DOP1A: variants seen among roughly 807,000 people sequenced by gnomAD.
DOP1A encodes the protein DOP1 leucine zipper like protein A.
In DOP1A, 90 loss-of-function variants were observed where a neutral mutation model predicts 267.6. The ratio of observed to expected loss-of-function variants is 0.34; its 90% confidence interval spans 0.28 to 0.40. The LOEUF (loss-of-function observed/expected upper bound fraction) is 0.40, where lower values mean the gene tolerates loss of function less well. Ranked by LOEUF, DOP1A falls within the 10% of genes least tolerant of loss-of-function variation. The pLI is 1.00. For missense variants in DOP1A, 2,437 were observed against 2,900.4 expected (o/e 0.84, Z 3.67); for synonymous variants, 932 against 999.1 (o/e 0.93, Z 1.27).
chr6:83,135,272 G>A (rs921529318), intron 19 of DOP1A, among the ~76,000 whole-genome samples: 14 of 151,828 alleles, frequency 9.2e-5, no homozygotes, highest in Non-Finnish European at 1.5e-4. Context: ...GAGTAATGCC[G>A]ACTTGCCGAA....
intron 1 of DOP1A, among the ~76,000 whole-genome samples, chr6:83,068,479 A>G (rs1158172765): frequency 6.6e-6 from 1 of 152,204 alleles, no homozygotes; most frequent in Non-Finnish European, 1.5e-5. Flanking sequence ...TTGTGTTTGA[A>G]CATTTTTACA....
intron 7 of DOP1A, among the ~76,000 whole-genome samples, chr6:83,115,464 T>G (rs986256684): frequency 6.6e-6 from 1 of 152,214 alleles, no homozygotes; most frequent in African/African-American, 2.4e-5. Flanking sequence ...GGCTCACGCC[T>G]GTAATCCCAG....
rs139574032 is a variant in DOP1A at position 83,146,235 on chromosome 6, C to A, written c.5676+577C>A. On this transcript the variant is annotated intron_variant, in intron 25 of 38. Transcript: ENST00000349129. ...ATTACGGACTTTTCTACTTTTTCTG[C>A]TCTTTGTTCAAGCAATACCAAGAGG... Among the ~76,000 whole-genome samples the A allele has an allele frequency of 9.2e-5, 14 of 152,288 alleles. No individual in the cohort carries two copies. In the East Asian group the frequency reaches 2.3e-3, roughly 25 times the overall value.
In DOP1A at chr6:83,167,936, C is replaced by T. The variant is rs750704974; in HGVS notation, c.7167C>T (p.Thr2389=). Residue 2389 remains threonine, a synonymous_variant, in exon 39 of 39, where the codon ACC becomes ACT. Transcript: ENST00000349129. The stretch of plus-strand genomic sequence containing the variant: ...GGCACTTGCTGCTCACCATCTGCAC[C>T]GTGCGCAGTATGGAGCAGCTCCTGC... ...EPGHLLLTIC[T]VRSMEQLLPF... 6.8e-6 allele frequency: 11 copies of T among 1,614,108 alleles called. No individual in the cohort carries two copies. The highest frequency in any genetic ancestry group is 3.3e-5 in the Admixed American group (2 of 60,024).
At chr6:83,082,708 T>A (rs1194379525) in intron 1 of DOP1A, among the ~76,000 whole-genome samples, 1 of 152,224 alleles carries the variant, frequency 6.6e-6, no homozygotes, top group African/African-American at 2.4e-5. Context: ...TAGCTACATT[T>A]AACCATTACA....
chr6:83,106,941 G>T (rs1773714563), intron 4 of DOP1A, among the ~76,000 whole-genome samples: 1 of 152,150 alleles, frequency 6.6e-6, no homozygotes, highest in Non-Finnish European at 1.5e-5. Flanking sequence ...ATAGGATAAG[G>T]TCTGAAGATA....
chr6:83,112,365 A>T (rs1774705448), intron 6 of DOP1A, among the ~76,000 whole-genome samples: 1 of 148,974 alleles, frequency 6.7e-6, no homozygotes, highest in Admixed American at 6.7e-5. Context: ...CAAAAATACA[A>T]ATATATATAT....
chr6:83,132,813 T>G (rs1480626760), intron 18 of DOP1A, among the ~76,000 whole-genome samples: 1 of 152,208 alleles, frequency 6.6e-6, no homozygotes, highest in Non-Finnish European at 1.5e-5. Flanking sequence ...TCCTAATGTA[T>G]ATGAAGTGTG....
chr6:83,119,533 TA>T (rs1299561819), intron 8 of DOP1A, among the ~76,000 whole-genome samples: 1 of 152,050 alleles, frequency 6.6e-6, no homozygotes, highest in Non-Finnish European at 1.5e-5. Context: ...GGCCAAAAAA[TA>T]AAAAGGATAA....
chr6:83,141,135 T>G (rs1482566544), intron 23 of DOP1A, among the ~76,000 whole-genome samples: 1 of 152,204 alleles, frequency 6.6e-6, no homozygotes, highest in Non-Finnish European at 1.5e-5. Flanking sequence ...TTTCATTACA[T>G]AGCCACTAAT....
intron 1 of DOP1A, among the ~76,000 whole-genome samples, chr6:83,072,176 T>C (rs1461260098): frequency 6.6e-6 from 1 of 152,184 alleles, no homozygotes; most frequent in Non-Finnish European, 1.5e-5. Context: ...TTTTGTAAAA[T>C]ACATTTTGTA....
At position 83,136,421 on chromosome 6, in the gene DOP1A, C is replaced by T. The variant is rs190435849; in HGVS notation, c.3130+543C>T. Among the ~76,000 whole-genome samples, 186 of 152,206 alleles carry T rather than the reference C, an allele frequency of 1.2e-3. 2 individuals are homozygous for T. Among genetic ancestry groups the T allele is most frequent in the Non-Finnish European group, 5.0e-4 (34 of 68,008 alleles). ...GCCTTCTATACAGTGATATTGTCCCCTTAGATTAATTTATTTCATTTAAGG... is the reference window on the plus strand; with the variant it reads ...GCCTTCTATACAGTGATATTGTCCCTTTAGATTAATTTATTTCATTTAAGG... On this transcript the variant is annotated intron_variant, in intron 20 of 38. Transcript: ENST00000349129.
chr6:83,094,860 A>G (rs1343939962), intron 1 of DOP1A, among the ~76,000 whole-genome samples: 3 of 152,122 alleles, frequency 2.0e-5, no homozygotes, highest in Non-Finnish European at 2.9e-5. Context: ...TTGCAACACG[A>G]AAGTTTTACT....
intron 18 of DOP1A, among the ~76,000 whole-genome samples, chr6:83,132,845 G>A (rs369217991): frequency 1.3e-5 from 2 of 152,082 alleles, no homozygotes; most frequent in African/African-American, 2.4e-5. Context: ...AGTTAAAGGT[G>A]GCTGAGAATT....
intron 1 of DOP1A, among the ~76,000 whole-genome samples, chr6:83,070,033 A>G (rs1785336581): frequency 6.6e-6 from 1 of 152,232 alleles, no homozygotes; most frequent in Non-Finnish European, 1.5e-5. Context: ...ATGTGTGCTG[A>G]ACACAATCTT....
At chr6:83,147,429 A>C in intron 26 of DOP1A, 138 bp downstream of exon 26, 1 of 401,680 alleles carries the variant, frequency 2.5e-6, no homozygotes, top group Non-Finnish European at 4.4e-6. Flanking sequence ...ACCTAAGGAT[A>C]TTGAAGATTC....
At chr6:83,163,422 A>G (rs1292495840) in intron 38 of DOP1A, among the ~76,000 whole-genome samples, 6 of 152,224 alleles carry the variant, frequency 3.9e-5, no homozygotes, top group African/African-American at 7.2e-5. Context: ...TAAGAAGATT[A>G]TACATTTTAA....
At chr6:83,157,607 C>A (rs1316457922) in intron 35 of DOP1A, among the ~76,000 whole-genome samples, 1 of 152,208 alleles carries the variant, frequency 6.6e-6, no homozygotes, top group Non-Finnish European at 1.5e-5. Context: ...TTAACTCTGT[C>A]ATGGCCTACA....
chr6:83,129,470 AC>A lies in DOP1A; in HGVS notation c.2305del (p.His769IlefsTer26), dbSNP rs1436216092. 2 of 1,561,334 alleles carry A rather than the reference AC, an allele frequency of 1.3e-6. No homozygotes were observed. The highest frequency in any genetic ancestry group is 1.7e-6 in the Non-Finnish European group (2 of 1,162,048). ...TTCCCAGTTTACATTGCTGAGGGGA[AC>A]CATACATCAGAGTTACGTTCTGAAA... ...SSFPVYIAEG[N>X]HTSELRSEKL... On this transcript the variant is annotated frameshift_variant, in exon 16 of 39. Transcript: ENST00000349129. LOFTEE classifies it high-confidence loss of function.
Sources: gnomAD v4.1 joint callset for allele counts (sites outside exome capture counted in the v4.1 genomes callset) on GRCh38, gnomAD v4.1.1 for gene constraint, MANE v1.5 for transcripts, NCBI Gene and HGNC (gene_info 2026-07-23, HGNC 2026-07-21) for gene names.